PLCB4: variants seen among roughly 807,000 people sequenced by gnomAD.
PLCB4 encodes the protein phospholipase C beta 4, also known as 1-phosphatidylinositol 4,5-bisphosphate phosphodiesterase beta-4.
In PLCB4, 77 loss-of-function variants were observed where a neutral mutation model predicts 178.8. The ratio of observed to expected loss-of-function variants is 0.43; its 90% confidence interval spans 0.36 to 0.52. The LOEUF (loss-of-function observed/expected upper bound fraction) is 0.52, where lower values mean the gene tolerates loss of function less well. PLCB4 is among the 20% of genes least tolerant of loss of function. The pLI, the probability that PLCB4 is intolerant of heterozygous loss-of-function variation, is 0.00. For synonymous variants in PLCB4, 496 were observed against 490.8 expected (o/e 1.01, Z -0.14); for missense variants, 1,024 against 1,453.4 (o/e 0.70, Z 4.80).
At chr20:9,217,956 T>G (rs1372603626) in intron 3 of PLCB4, among the ~76,000 whole-genome samples, 1 of 152,210 alleles carries the variant, frequency 6.6e-6, no homozygotes, top group Non-Finnish European at 1.5e-5. Flanking sequence ...TTACAAACTT[T>G]TAAAGAAACG....
At chr20:9,280,716 G>A (rs1299035798) in intron 3 of PLCB4, among the ~76,000 whole-genome samples, 2 of 151,694 alleles carry the variant, frequency 1.3e-5, no homozygotes, top group Non-Finnish European at 2.9e-5. Flanking sequence ...AATTTCACTC[G>A]GTGAGGAAAT....
At chr20:9,458,245 A>G (rs1038044055) in intron 34 of PLCB4, among the ~76,000 whole-genome samples, 2 of 152,164 alleles carry the variant, frequency 1.3e-5, no homozygotes, top group Non-Finnish European at 2.9e-5. Context: ...GATGTTCAAG[A>G]TGTTCTTGGT....
intron 15 of PLCB4, 91 bp from the exon 16 acceptor site, chr20:9,389,788 T>C (rs2037987015): frequency 1.5e-6 from 1 of 683,566 alleles, no homozygotes; most frequent in Admixed American, 2.4e-5. Flanking sequence ...ATTGACTTTC[T>C]GAAAGACTCA....
At chr20:9,227,856 T>C (rs2093886239) in intron 3 of PLCB4, among the ~76,000 whole-genome samples, 1 of 152,192 alleles carries the variant, frequency 6.6e-6, no homozygotes, top group Non-Finnish European at 1.5e-5. Flanking sequence ...GTAATACTTT[T>C]ATTATTGTTT....
chr20:9,459,180 G>A (rs1568884014), intron 34 of PLCB4, among the ~76,000 whole-genome samples: 2 of 152,018 alleles, frequency 1.3e-5, no homozygotes, highest in South Asian at 2.1e-4. Flanking sequence ...CCTGTCTCTA[G>A]TAAAAATACA....
At chr20:9,413,862 T>C (rs1002755209) in intron 25 of PLCB4, among the ~76,000 whole-genome samples, 2 of 152,034 alleles carry the variant, frequency 1.3e-5, no homozygotes, top group African/African-American at 2.4e-5. Context: ...CTGGGCTCAA[T>C]CCATCCTCCC....
At chr20:9,327,825 T>G (rs941686110) in intron 4 of PLCB4, among the ~76,000 whole-genome samples, 1 of 152,146 alleles carries the variant, frequency 6.6e-6, no homozygotes, top group Non-Finnish European at 1.5e-5. Flanking sequence ...ACTAATTTAC[T>G]TAGTTCAGAC....
At chr20:9,229,389 A>G (rs905193956) in intron 3 of PLCB4, among the ~76,000 whole-genome samples, 6 of 152,082 alleles carry the variant, frequency 3.9e-5, no homozygotes, top group Non-Finnish European at 7.4e-5. Context: ...AATTCTGCAA[A>G]CAAAGGAAGG....
At chr20:9,413,315 T>TAA (rs573907103) in intron 25 of PLCB4, among the ~76,000 whole-genome samples, 2 of 151,628 alleles carry the variant, frequency 1.3e-5, no homozygotes, top group Admixed American at 1.3e-4. Flanking sequence ...TGTTTCTGTA[T>TAA]AAAAAAAATC....
intron 2 of PLCB4, among the ~76,000 whole-genome samples, chr20:9,215,258 C>T (rs74876468): frequency 2.8e-4 from 43 of 152,154 alleles, no homozygotes; most frequent in African/African-American, 8.2e-4. Context: ...TCATGGGAGT[C>T]GTATCTTCAT....
chr20:9,093,436 T>G (rs577806265), intron 1 of PLCB4, among the ~76,000 whole-genome samples: 1 of 152,352 alleles, frequency 6.6e-6, no homozygotes, highest in Admixed American at 6.5e-5. Context: ...AGCTTTTATA[T>G]GCTTACCCAT....
At chr20:9,150,792 C>T (rs2092678434) in intron 2 of PLCB4, among the ~76,000 whole-genome samples, 1 of 152,134 alleles carries the variant, frequency 6.6e-6, no homozygotes, top group Non-Finnish European at 1.5e-5. Flanking sequence ...ATTTAAGCAG[C>T]AGTAGGGGAA....
rs73248728 is a variant in PLCB4 at position 9,408,951 on chromosome 20, T to C, written c.1875-106T>C. 9,275 of 971,362 alleles carry C rather than the reference T, an allele frequency of 9.5e-3. 576 individuals carry two copies. In the African/African-American group the frequency reaches 0.13, roughly 14 times the overall value. 60.2% of individuals were successfully genotyped at this position (971,362 alleles called of 1,614,324 possible). On this transcript the variant is annotated intron_variant, in intron 23 of 39. Transcript: ENST00000378473. ...AATGTGAAATCTGCTCTGTGCTGTC[T>C]ACTTGTTTGTCATTGTTGGCCTAGA...
intron 25 of PLCB4, among the ~76,000 whole-genome samples, chr20:9,419,212 C>T (rs2040458066): frequency 6.6e-6 from 1 of 152,058 alleles, no homozygotes; most frequent in African/African-American, 2.4e-5. Context: ...TTTATTTTCA[C>T]CTACCTCTAG....
intron 34 of PLCB4, 62 bp from the exon 35 acceptor site, chr20:9,459,573 C>T: frequency 8.0e-7 from 1 of 1,251,180 alleles, no homozygotes; most frequent in Non-Finnish European, 1.1e-6. Flanking sequence ...TAATGTTGTG[C>T]TTTTGGGTTC....
intron 4 of PLCB4, among the ~76,000 whole-genome samples, chr20:9,322,403 A>G (rs917664601): frequency 3.3e-5 from 5 of 152,226 alleles, no homozygotes; most frequent in Non-Finnish European, 7.3e-5. Context: ...ATTTTGATAA[A>G]CTAACAAGGA....
chr20:9,149,549 A>G (rs1322275625), intron 2 of PLCB4, among the ~76,000 whole-genome samples: 1 of 152,138 alleles, frequency 6.6e-6, no homozygotes, highest in Non-Finnish European at 1.5e-5. Flanking sequence ...TGCAGGTGAC[A>G]TCCACGTTAT....
At chr20:9,360,557 A>G (rs1179996149) in intron 7 of PLCB4, among the ~76,000 whole-genome samples, 1 of 151,864 alleles carries the variant, frequency 6.6e-6, no homozygotes, top group Non-Finnish European at 1.5e-5. Flanking sequence ...GAGAAAATGC[A>G]TCCCAGTTAA....
intron 1 of PLCB4, among the ~76,000 whole-genome samples, chr20:9,075,262 G>T (rs2089797127): frequency 6.6e-6 from 1 of 152,098 alleles, no homozygotes; most frequent in South Asian, 2.1e-4. Context: ...GGTACATGCT[G>T]CAGAAAGACT....
Sources: allele counts gnomAD v4.1 joint callset (sites outside exome capture counted in the v4.1 genomes callset), GRCh38; gene constraint gnomAD v4.1.1; transcripts MANE v1.5; gene names NCBI Gene and HGNC (gene_info 2026-07-23, HGNC 2026-07-21).